The following HNRNPR variants were observed in gnomAD, a reference collection of about 807,000 sequenced individuals.
HNRNPR encodes the protein heterogeneous nuclear ribonucleoprotein R.
Under a neutral mutation model 70.3 loss-of-function variants are expected in HNRNPR, and 4 were observed. That is an observed-to-expected ratio of 0.06 (90% confidence interval 0.03 to 0.13). The LOEUF is 0.13. Among genes scored for constraint, HNRNPR ranks in the 10% least tolerant of loss-of-function variants. The pLI, the probability that HNRNPR is intolerant of heterozygous loss-of-function variation, is 1.00. For synonymous variants in HNRNPR, 241 were observed against 267.6 expected, an observed-to-expected ratio of 0.90 and a Z score of 0.97; for missense variants, 423 against 788.5, an observed-to-expected ratio of 0.54 and a Z score of 5.55.
chr1:23,331,291 G>A (rs563220396), intron 5 of HNRNPR, among the ~76,000 whole-genome samples: 2 of 151,614 alleles, frequency 1.3e-5, no homozygotes, highest in South Asian at 2.1e-4. Context: ...GCCAGACATG[G>A]TGACTCACGC....
chr1:23,316,544 T>C (rs985987769), intron 8 of HNRNPR, among the ~76,000 whole-genome samples: 3 of 152,196 alleles, frequency 2.0e-5, no homozygotes, highest in African/African-American at 7.2e-5. Flanking sequence ...TTGGTTTTCA[T>C]GGGATTTTAT....
At chr1:23,327,256 C>A (rs1036237481) in intron 5 of HNRNPR, among the ~76,000 whole-genome samples, 6 of 152,122 alleles carry the variant, frequency 3.9e-5, no homozygotes, top group African/African-American at 1.4e-4. Flanking sequence ...TAATACAAAT[C>A]TTTCAAGAGA....
rs1043234465 is a variant in HNRNPR at position 23,318,039 on chromosome 1, AAAAAG to A, written c.1017+439_1017+443del. On this transcript the variant is annotated intron_variant, in intron 8 of 10. Transcript: ENST00000302271. The surrounding 1 kb of genome is among the most constrained non-coding windows in gnomAD (Gnocchi z 4.2). ...AATAAAAACTACAAAAAAAGCTTAA[AAAAAG>A]AAAAATTAGCTATAAATCTAAATAA... Among the ~76,000 whole-genome samples the A allele has an allele frequency of 7.4e-6, 1 of 135,028 alleles. No homozygotes were observed. Among genetic ancestry groups the A allele is most frequent in the African/African-American group, 3.8e-5 (1 of 26,138 alleles). 88.6% of individuals were successfully genotyped at this position (135,028 alleles called of 152,430 possible). A position where few individuals can be genotyped will look rare whatever the true frequency, so the allele number is the denominator to read the frequency against.
chr1:23,326,828 C>T (rs1646002519), intron 5 of HNRNPR, among the ~76,000 whole-genome samples: 1 of 152,158 alleles, frequency 6.6e-6, no homozygotes, highest in Admixed American at 6.5e-5. Context: ...TCTCATCATC[C>T]TTGCCTTCTC....
At chr1:23,333,909 A>G (rs1446762620) in intron 4 of HNRNPR, among the ~76,000 whole-genome samples, 1 of 151,310 alleles carries the variant, frequency 6.6e-6, no homozygotes, top group Non-Finnish European at 1.5e-5. Flanking sequence ...ATTTCTCCCT[A>G]CTGTCTTTTC....
intron 1 of HNRNPR, among the ~76,000 whole-genome samples, chr1:23,342,052 T>C (rs1193441453): frequency 6.6e-6 from 1 of 152,118 alleles, no homozygotes. Context: ...GAACAAGACA[T>C]TGCAACACAT....
chr1:23,312,485 C>A (rs968696745), intron 9 of HNRNPR, among the ~76,000 whole-genome samples: 4 of 152,088 alleles, frequency 2.6e-5, no homozygotes, highest in African/African-American at 9.7e-5. Flanking sequence ...CATTCTATAC[C>A]AGTGAAATTT....
At chr1:23,316,219 C>T (rs1404209407) in intron 8 of HNRNPR, among the ~76,000 whole-genome samples, 2 of 152,058 alleles carry the variant, frequency 1.3e-5, no homozygotes, top group African/African-American at 2.4e-5. Flanking sequence ...GCAGGAGGGA[C>T]GCTTAAGCCC....
Position 23,327,413 on chromosome 1 carries a change from C to A in HNRNPR, c.499-3681G>T, listed in dbSNP as rs1188477006. The stretch of plus-strand genomic sequence containing the variant: ...ACAAAAGTAAACAATATGGGTCATG[C>A]GCAGTGGCTCATGTGTGCAATCCTA... On this transcript the variant is annotated intron_variant, in intron 5 of 10. Transcript: ENST00000302271. Among the ~76,000 whole-genome samples, 8 of 152,118 alleles carry A rather than the reference C, an allele frequency of 5.3e-5. No homozygotes were observed. The East Asian group carries it at 1.5e-3, about 29-fold the overall frequency.
chr1:23,313,453 C>A, intron 9 of HNRNPR, 100 bp downstream of exon 9: 1 of 797,112 alleles, frequency 1.3e-6, no homozygotes. Flanking sequence ...TCAGCAAAAG[C>A]TGACAACCAA....
intron 5 of HNRNPR, among the ~76,000 whole-genome samples, chr1:23,324,089 G>C (rs1220827200): frequency 6.6e-6 from 1 of 151,762 alleles, no homozygotes; most frequent in Admixed American, 6.6e-5. Context: ...AAGGAAGGCG[G>C]ATCACTTGAG....
rs3819126 is a variant in HNRNPR at position 23,338,372 on chromosome 1, T to C, written c.276+118A>G. On this transcript the variant is annotated intron_variant, in intron 3 of 10. Transcript: ENST00000302271. ...GCAGTTTTTTTCCTTTAAACTAATT[T>C]TTTAAAAGAAGAGGTAGTCACAAAC... The C allele has an allele frequency of 1.3e-3, 650 of 496,518 alleles. 9 individuals carry two copies. The East Asian group carries it at 0.021, about 16-fold the overall frequency. 30.8% of individuals were successfully genotyped at this position (496,518 alleles called of 1,614,324 possible).
chr1:23,338,650 G>A (rs780621506), intron 2 of HNRNPR, 42 bp from the exon 3 acceptor site: 2 of 945,806 alleles, frequency 2.1e-6, no homozygotes, highest in South Asian at 3.0e-5. Context: ...TGCAACAAAA[G>A]GGGTAATCTA....
intron 10 of HNRNPR, 25 bp downstream of exon 10, chr1:23,311,174 GAT>G (rs772437408): frequency 5.0e-6 from 8 of 1,612,926 alleles, no homozygotes; most frequent in Non-Finnish European, 5.1e-6. Flanking sequence ...CTTGTCCAAA[GAT>G]ATATCTACTA....
rs201164560 is a variant in HNRNPR at position 23,310,976 on chromosome 1, G to A, written c.1380C>T (p.Tyr460=). The A allele has an allele frequency of 6.2e-7, 1 of 1,612,222 alleles. No individual in the cohort carries two copies. Among genetic ancestry groups the A allele is most frequent in the Non-Finnish European group, 8.5e-7 (1 of 1,179,682 alleles). Residue 460 remains tyrosine, a synonymous_variant, in exon 11 of 11, where the codon TAC becomes TAT. Coordinates refer to ENST00000302271, the MANE Select transcript of HNRNPR (RefSeq NM_005826.5). This position sits in a 1 kb window ranked among gnomAD's most constrained non-coding sequence, Gnocchi z 6.0. Reference sequence around the variant, plus strand: ...CTTCATAGCCGTAGTAATCTGGAGGGTAGCCATATCCACCTCTCCCCCCAC... The same window carrying A: ...CTTCATAGCCGTAGTAATCTGGAGGATAGCCATATCCACCTCTCCCCCCAC... The part of the protein sequence containing the change: ...GRGGGRGGYG[Y]PPDYYGYEDY...
chr1:23,338,153 C>T, intron 3 of HNRNPR: 1 of 327,696 alleles, frequency 3.1e-6, no homozygotes, highest in Non-Finnish European at 5.5e-6. Flanking sequence ...ATTCCTCCCA[C>T]CTACATTTTC....
chr1:23,334,377 C>T (rs1399496159), intron 4 of HNRNPR, among the ~76,000 whole-genome samples: 1 of 151,606 alleles, frequency 6.6e-6, no homozygotes, highest in Non-Finnish European at 1.5e-5. Flanking sequence ...GCTGGGACTA[C>T]AGGCACCCGC....
intron 9 of HNRNPR, among the ~76,000 whole-genome samples, chr1:23,312,961 G>A (rs1645392468): frequency 6.6e-6 from 1 of 152,078 alleles, no homozygotes; most frequent in East Asian, 1.9e-4. Flanking sequence ...CAGGTTTTGT[G>A]TTCCAGATAC....
chr1:23,341,097 C>T (rs1646688506), intron 1 of HNRNPR, 80 bp from the exon 2 acceptor site: 1 of 1,039,094 alleles, frequency 9.6e-7, no homozygotes, highest in East Asian at 2.5e-5. Flanking sequence ...TTTATCTAAA[C>T]TAATTTGTAT....
Sources: allele counts gnomAD v4.1 joint callset (sites outside exome capture counted in the v4.1 genomes callset), GRCh38; gene constraint gnomAD v4.1.1; non-coding constraint Gnocchi (gnomAD v3.1); transcripts MANE v1.5; gene names NCBI Gene and HGNC (gene_info 2026-07-23, HGNC 2026-07-21).